Variants in EVI5L observed in about 807,000 individuals in gnomAD.
EVI5L encodes the protein EVI5-like protein.
EVI5L carries 30 observed loss-of-function variants against 106.1 expected under a neutral mutation model. The observed-to-expected ratio is 0.28, with a 90% CI of 0.21 to 0.38. The LOEUF is 0.38. EVI5L is among the 10% of genes least tolerant of loss of function. EVI5L has a pLI of 1.00. For missense variants in EVI5L, 809 were observed against 1,098.0 expected, an observed-to-expected ratio of 0.74 and a Z score of 3.72; for synonymous variants, 489 against 483.3, an observed-to-expected ratio of 1.01 and a Z score of -0.15.
intron 1 of EVI5L, among the ~76,000 whole-genome samples, 182 bp downstream of exon 1, chr19:7,830,563 C>G (rs1188301941): frequency 5.9e-5 from 9 of 151,554 alleles, no homozygotes; most frequent in Middle Eastern, 6.8e-3. Flanking sequence ...CCCTCGTTGC[C>G]GATCCCTCCG....
In EVI5L at chr19:7,846,538, C is replaced by T. The variant is rs1412597421; in HGVS notation, c.-5C>T. ...CCCCGCTCACGGCTAACAAGCCCACCCACCATGGCGAGCCCCACTCTGAGC... is the reference window on the plus strand; with the variant it reads ...CCCCGCTCACGGCTAACAAGCCCACTCACCATGGCGAGCCCCACTCTGAGC... On this transcript the variant is annotated 5_prime_UTR_variant, in exon 2 of 20. Transcript: ENST00000538904. 2.5e-6 allele frequency: 4 copies of T among 1,605,440 alleles called. No individual in the cohort carries two copies. Among genetic ancestry groups the T allele is most frequent in the Non-Finnish European group, 3.4e-6 (4 of 1,176,900 alleles).
chr19:7,862,926 G>C, intron 17 of EVI5L, 46 bp from the exon 18 acceptor site: 2 of 1,208,358 alleles, frequency 1.7e-6, no homozygotes, highest in Non-Finnish European at 2.3e-6. Flanking sequence ...CTGATGCGCC[G>C]CGCCCCCTGA....
At position 7,857,036 on chromosome 19, in the gene EVI5L, C is replaced by G; in HGVS notation, c.1201-56C>G. On this transcript the variant is annotated intron_variant, in intron 11 of 19. Transcript: ENST00000538904. This position sits in a 1 kb window ranked among gnomAD's most constrained non-coding sequence, Gnocchi z 4.5. ...TTGTCTGTCTCCCCTCTCCTGTCCCCGCGCCTTCCGCTCTGCCTCCTCCCC... is the reference window on the plus strand; with the variant it reads ...TTGTCTGTCTCCCCTCTCCTGTCCCGGCGCCTTCCGCTCTGCCTCCTCCCC... 6.5e-7 allele frequency: 1 copy of G among 1,544,904 alleles called. No homozygotes were observed. Among genetic ancestry groups the G allele is most frequent in the Non-Finnish European group, 8.8e-7 (1 of 1,140,840 alleles).
At chr19:7,862,766 A>G in intron 17 of EVI5L, among the ~76,000 whole-genome samples, 1 of 52,902 alleles carries the variant, frequency 1.9e-5, no homozygotes, top group Non-Finnish European at 3.6e-5. Flanking sequence ...CCGCCTCCTG[A>G]TCCGCCCCCG....
rs1268601516 is a variant in EVI5L at position 7,847,816 on chromosome 19, G to A, written c.222G>A (p.Ser74=). 5.0e-6 allele frequency: 8 copies of A among 1,611,944 alleles called. No homozygotes were observed. The highest frequency in any genetic ancestry group is 2.2e-5 in the South Asian group (2 of 90,640). ...NSGSSLVSSS[S]ASSNLSHLEE... is the part of the protein sequence containing the mutation. ...GCTCCTCGCTAGTGTCCAGCTCCTC[G>A]GCCTCCTCCAACCTGAGCCACCTGG... Residue 74 remains serine (S), a synonymous_variant, in exon 3 of 20, where the codon TCG becomes TCA. Transcript: ENST00000538904.
chr19:7,842,613 TC>T (rs1978680663), intron 1 of EVI5L, among the ~76,000 whole-genome samples: 1 of 151,598 alleles, frequency 6.6e-6, no homozygotes, highest in Non-Finnish European at 1.5e-5. Context: ...TGGGTGTGTA[TC>T]AAGTGTGTGC....
chr19:7,855,727 G>A (rs1179589466), intron 10 of EVI5L, among the ~76,000 whole-genome samples: 1 of 152,216 alleles, frequency 6.6e-6, no homozygotes, highest in Non-Finnish European at 1.5e-5. Flanking sequence ...GAGGGGGCGT[G>A]GGTACTGACT....
At chr19:7,833,745 G>A (rs1395149434) in intron 1 of EVI5L, among the ~76,000 whole-genome samples, 1 of 152,180 alleles carries the variant, frequency 6.6e-6, no homozygotes, top group Non-Finnish European at 1.5e-5. Flanking sequence ...CTGTACACTT[G>A]GCACACATGG....
intron 14 of EVI5L, among the ~76,000 whole-genome samples, chr19:7,861,152 G>A (rs1028299896): frequency 1.3e-5 from 2 of 152,132 alleles, no homozygotes; most frequent in African/African-American, 4.8e-5. Flanking sequence ...AAGCACCCAG[G>A]GACCCATTCA....
chr19:7,842,816 C>G (rs530911504), intron 1 of EVI5L, among the ~76,000 whole-genome samples: 75 of 147,204 alleles, frequency 5.1e-4, no homozygotes, highest in African/African-American at 1.9e-3. Context: ...ATCGAGTGTG[C>G]ACATGTGTGT....
At chr19:7,843,462 G>A (rs1978790418) in intron 1 of EVI5L, among the ~76,000 whole-genome samples, 1 of 149,592 alleles carries the variant, frequency 6.7e-6, no homozygotes, top group South Asian at 2.1e-4. Context: ...GTGAGTGTGT[G>A]TGAGAATAGG....
Position 7,863,513 on chromosome 19 carries a change from G to T in EVI5L, c.2229G>T (p.Leu743=). 4 of 1,592,778 alleles carry T rather than the reference G, an allele frequency of 2.5e-6. No individual in the cohort carries two copies. In the African/African-American group the frequency reaches 4.0e-5, roughly 16 times the overall value. Residue 743 remains leucine (L), a synonymous_variant, in exon 20 of 20, where the codon CTG becomes CTT. Coordinates refer to ENST00000538904, the MANE Select transcript of EVI5L (RefSeq NM_001159944.3). The surrounding 1 kb of genome is among the most constrained non-coding windows in gnomAD (Gnocchi z 7.7). ...SLARHLDEDS[L]PSSDEELLGV... is the part of the protein sequence containing the mutation. ...CGCGGCACTTGGACGAGGACTCGCT[G>T]CCGTCGTCGGACGAGGAGCTACTTG...
intron 1 of EVI5L, among the ~76,000 whole-genome samples, chr19:7,836,670 ACT>A (rs1445547238): frequency 1.3e-5 from 2 of 150,344 alleles, no homozygotes; most frequent in African/African-American, 4.9e-5. Flanking sequence ...GGAGTCTCTC[ACT>A]CTGTCATCCA....
Position 7,856,059 on chromosome 19 carries a change from C to G in EVI5L, c.1191C>G (p.Thr397=), listed in dbSNP as rs774249667. ...GGCTCCTGAAACAGCGGATTGAAAC[C>G]CTAGAGAAGGTGAGGGGCGTGGCCA... is the stretch of plus-strand genomic sequence containing the variant. The part of the protein sequence containing the change: ...ENRLLKQRIE[T]LEKESAALAD... Residue 397 remains threonine (T), a synonymous_variant, in exon 11 of 20, where the codon ACC becomes ACG. Transcript: ENST00000538904. The surrounding 1 kb of genome is among the most constrained non-coding windows in gnomAD (Gnocchi z 6.6). 7.5e-7 allele frequency: 1 copy of G among 1,328,264 alleles called. No individual in the cohort carries two copies. The highest frequency in any genetic ancestry group is 2.7e-5 in the South Asian group (1 of 36,840). The allele number at this position is 1,328,264 out of a possible 1,614,324, so 82.3% of individuals were successfully genotyped here. A position where few individuals can be genotyped will look rare whatever the true frequency, so the allele number is the denominator to read the frequency against.
chr19:7,847,025 G>A (rs1296552035), intron 2 of EVI5L, among the ~76,000 whole-genome samples: 1 of 152,132 alleles, frequency 6.6e-6, no homozygotes, highest in Non-Finnish European at 1.5e-5. Context: ...GGCTGGACGT[G>A]GTGGCTCACA....
chr19:7,845,897 G>A lies in EVI5L; in HGVS notation c.-47-599G>A, dbSNP rs965984134. On this transcript the variant is annotated intron_variant, in intron 1 of 19. Transcript: ENST00000538904. This position sits in a 1 kb window ranked among gnomAD's most constrained non-coding sequence, Gnocchi z 4.0. Reference sequence around the variant, plus strand: ...GCACAGATTCCCAGCACTCTGCCACGTCCCTGGCTTCTCAACCCAAGGGGA... The same window carrying A: ...GCACAGATTCCCAGCACTCTGCCACATCCCTGGCTTCTCAACCCAAGGGGA... Among the ~76,000 whole-genome samples the A allele has an allele frequency of 6.6e-6, 1 of 152,222 alleles. No homozygotes were observed. The highest frequency in any genetic ancestry group is 1.5e-5 in the Non-Finnish European group (1 of 68,038).
chr19:7,831,211 T>C (rs1978292000), intron 1 of EVI5L, among the ~76,000 whole-genome samples: 1 of 147,882 alleles, frequency 6.8e-6, no homozygotes, highest in Non-Finnish European at 1.5e-5. Flanking sequence ...GCCACCCATC[T>C]TTCTGAAAAC....
At position 7,857,809 on chromosome 19, in the gene EVI5L, C is replaced by T. The variant is rs1092852; in HGVS notation, c.1234-382C>T. 300 of 224,584 alleles carry T rather than the reference C, an allele frequency of 1.3e-3. 1 individual carries two copies. The highest frequency in any genetic ancestry group is 6.5e-3 in the African/African-American group (284 of 43,432). 13.9% of individuals were successfully genotyped at this position (224,584 alleles called of 1,614,324 possible). A position where few individuals can be genotyped will look rare whatever the true frequency, so the allele number is the denominator to read the frequency against. Reference sequence around the variant, plus strand: ...CCTGGGGAGCCCAGCCCTCTCCTGCCGGGGCCTCAGCTGTCCCCAGATCCT... The same window carrying T: ...CCTGGGGAGCCCAGCCCTCTCCTGCTGGGGCCTCAGCTGTCCCCAGATCCT... On this transcript the variant is annotated intron_variant, in intron 12 of 19. Coordinates refer to ENST00000538904, the MANE Select transcript of EVI5L (RefSeq NM_001159944.3). This position sits in a 1 kb window ranked among gnomAD's most constrained non-coding sequence, Gnocchi z 4.5.
Position 7,835,435 on chromosome 19 carries a change from G to A in EVI5L, c.-48+5054G>A, listed in dbSNP as rs1704896024. Among the ~76,000 whole-genome samples the A allele has an allele frequency of 6.6e-6, 1 of 152,138 alleles. No homozygotes were observed. The highest frequency in any genetic ancestry group is 2.4e-5 in the African/African-American group (1 of 41,418). On this transcript the variant is annotated intron_variant, in intron 1 of 19. Coordinates refer to ENST00000538904, the MANE Select transcript of EVI5L (RefSeq NM_001159944.3). This position sits in a 1 kb window ranked among gnomAD's most constrained non-coding sequence, Gnocchi z 4.1. The stretch of plus-strand genomic sequence containing the variant: ...AGGCAGGAGAATTGCTTGAACCCAG[G>A]AGGCAAAGGCTGCAGTGAGCCAAGA...
Sources: allele counts gnomAD v4.1 joint callset (sites outside exome capture counted in the v4.1 genomes callset), GRCh38; gene constraint gnomAD v4.1.1; non-coding constraint Gnocchi (gnomAD v3.1); transcripts MANE v1.5; gene names NCBI Gene and HGNC (gene_info 2026-07-23, HGNC 2026-07-21).